EEFSEC: variants seen among roughly 807,000 people sequenced by gnomAD.
The protein encoded by EEFSEC is eukaryotic elongation factor, selenocysteine-tRNA specific, also known as selenocysteine-specific elongation factor.
EEFSEC carries 43 observed loss-of-function variants against 42.1 expected under a neutral mutation model. The ratio of observed to expected loss-of-function variants is 1.02; its 90% CI spans 0.80 to 1.32. The LOEUF is 1.32. Among genes scored for constraint, EEFSEC ranks in the 40% most tolerant of loss-of-function variants. EEFSEC has a pLI of 0.00. For synonymous variants in EEFSEC, 354 were observed against 339.1 expected (o/e 1.04, Z -0.48); for missense variants, 745 against 803.6 (o/e 0.93, Z 0.88).
At chr3:128,270,886 T>C (rs1194935850) in intron 4 of EEFSEC, among the ~76,000 whole-genome samples, 1 of 152,130 alleles carries the variant, frequency 6.6e-6, no homozygotes, top group Non-Finnish European at 1.5e-5. Context: ...CTGCTGCTTG[T>C]ATTTGTCTTT....
chr3:128,352,169 C>T (rs1379455302), intron 5 of EEFSEC, among the ~76,000 whole-genome samples: 3 of 152,182 alleles, frequency 2.0e-5, no homozygotes, highest in Non-Finnish European at 2.9e-5. Context: ...CATGTTCCCC[C>T]ATCCTCACCT....
intron 6 of EEFSEC, among the ~76,000 whole-genome samples, chr3:128,377,899 C>T (rs2067728111): frequency 1.3e-5 from 2 of 152,214 alleles, no homozygotes; most frequent in African/African-American, 2.4e-5. Flanking sequence ...TTTATCTTTG[C>T]TATTTTCCTA....
rs577265764 is a variant in EEFSEC at position 128,274,062 on chromosome 3, G to A, written c.786+9281G>A. On this transcript the variant is annotated intron_variant, in intron 4 of 6. Transcript: ENST00000254730. ...ACTGCAGCTTCCTGCTCTTAGGCCA[G>A]GTGGATGTCTTAGGATTCAGCCTCT... Among the ~76,000 whole-genome samples, 46 of 152,280 alleles carry A rather than the reference G, an allele frequency of 3.0e-4. 1 individual carries two copies. Among genetic ancestry groups the A allele is most frequent in the South Asian group, 2.5e-3 (12 of 4,824 alleles).
At chr3:128,257,429 A>G (rs1161216588) in intron 2 of EEFSEC, among the ~76,000 whole-genome samples, 1 of 152,176 alleles carries the variant, frequency 6.6e-6, no homozygotes, top group East Asian at 1.9e-4. Flanking sequence ...TTCTTCCAGG[A>G]TGAGCCCACT....
intron 1 of EEFSEC, among the ~76,000 whole-genome samples, chr3:128,201,312 A>G (rs1252377467): frequency 6.6e-6 from 1 of 152,046 alleles, no homozygotes; most frequent in Non-Finnish European, 1.5e-5. Context: ...TAATGAGTAC[A>G]CATACAGGAT....
chr3:128,346,079 G>A (rs756882810), intron 5 of EEFSEC, among the ~76,000 whole-genome samples: 5 of 152,210 alleles, frequency 3.3e-5, no homozygotes, highest in Admixed American at 6.5e-5. Flanking sequence ...TCTGCAGACT[G>A]TGTTTTTATT....
chr3:128,337,573 T>C (rs998605338), intron 4 of EEFSEC, among the ~76,000 whole-genome samples: 7 of 152,320 alleles, frequency 4.6e-5, no homozygotes, highest in African/African-American at 1.7e-4. Context: ...TTGCCAGGTA[T>C]GATTTTGCCA....
At chr3:128,418,082 C>T in the EEFSEC span, among the ~76,000 whole-genome samples, 12 of 152,140 alleles carry the variant, frequency 7.9e-5, no homozygotes, top group South Asian at 8.3e-4. Context: ...AGGATGTGGC[C>T]GGCACCTCCC....
At chr3:128,281,764 A>G (rs2066528300) in intron 4 of EEFSEC, among the ~76,000 whole-genome samples, 1 of 152,182 alleles carries the variant, frequency 6.6e-6, no homozygotes, top group African/African-American at 2.4e-5. Context: ...GCAGGCACTC[A>G]GGGGTCCTCC....
chr3:128,212,537 A>G (rs572719942), intron 1 of EEFSEC, among the ~76,000 whole-genome samples: 1 of 152,184 alleles, frequency 6.6e-6, no homozygotes, highest in Non-Finnish European at 1.5e-5. Context: ...GCATAAAGTA[A>G]TGGAGTGAGG....
intron 4 of EEFSEC, among the ~76,000 whole-genome samples, chr3:128,271,848 G>A (rs566438683): frequency 2.0e-5 from 3 of 152,270 alleles, no homozygotes; most frequent in Admixed American, 6.5e-5. Context: ...TCATCTGTCT[G>A]TGGGTCCTCA....
intron 4 of EEFSEC, among the ~76,000 whole-genome samples, chr3:128,293,660 C>CAAAAAAAA (rs759485696): frequency 1.8e-3 from 26 of 14,104 alleles, no homozygotes; most frequent in South Asian, 3.6e-3. Context: ...GACTCTATCT[C>CAAAAAAAA]AAAAAAAAAA....
At chr3:128,235,280 G>C (rs1197647505) in intron 1 of EEFSEC, among the ~76,000 whole-genome samples, 2 of 151,738 alleles carry the variant, frequency 1.3e-5, no homozygotes, top group Non-Finnish European at 2.9e-5. Context: ...TGTTGCCCAG[G>C]CTGGTCTTGA....
In EEFSEC at chr3:128,341,769, G is replaced by T. The variant is rs143447496; in HGVS notation, c.1323G>T (p.Thr441=). The change falls in exon 5 of 7, where the codon ACG becomes ACT. Residue 441 remains threonine (T), a synonymous_variant. Coordinates refer to ENST00000254730, the MANE Select transcript of EEFSEC (RefSeq NM_021937.5). ...TAGATGCGGACATTCACACCAACACGTGCCGGCTAGCCTTCCATGGCATCC... is the reference window on the plus strand; with the variant it reads ...TAGATGCGGACATTCACACCAACACTTGCCGGCTAGCCTTCCATGGCATCC... ...SRLDADIHTN[T]CRLAFHGILL... The T allele has an allele frequency of 6.2e-7, 1 of 1,614,134 alleles. No homozygotes were observed. Among genetic ancestry groups the T allele is most frequent in the Non-Finnish European group, 8.5e-7 (1 of 1,180,048 alleles).
At chr3:128,338,109 C>T (rs1015827315) in intron 4 of EEFSEC, among the ~76,000 whole-genome samples, 5 of 152,212 alleles carry the variant, frequency 3.3e-5, no homozygotes, top group Admixed American at 6.5e-5. Flanking sequence ...ACTATGTGCA[C>T]AGGTTTTTAG....
At chr3:128,405,344 A>G (rs2068096779) in intron 6 of EEFSEC, among the ~76,000 whole-genome samples, 2 of 152,152 alleles carry the variant, frequency 1.3e-5, no homozygotes, top group African/African-American at 2.4e-5. Flanking sequence ...GGGCCAGTGC[A>G]CGATGCTCTC....
At chr3:128,331,559 T>C (rs959592889) in intron 4 of EEFSEC, among the ~76,000 whole-genome samples, 1 of 151,374 alleles carries the variant, frequency 6.6e-6, no homozygotes, top group Non-Finnish European at 1.5e-5. Context: ...CCCCTTCTCC[T>C]CCATGCATCT....
the EEFSEC span, among the ~76,000 whole-genome samples, chr3:128,424,728 T>G: frequency 3.9e-5 from 6 of 152,030 alleles, no homozygotes; most frequent in Non-Finnish European, 7.4e-5. Context: ...ATACGAAAAG[T>G]GCGCGGAGTA....
intron 6 of EEFSEC, among the ~76,000 whole-genome samples, chr3:128,396,723 G>T (rs547768725): frequency 6.6e-6 from 1 of 152,228 alleles, no homozygotes; most frequent in African/African-American, 2.4e-5. Flanking sequence ...TTCCTGGTGT[G>T]TGTGAATAGC....
Sources: gnomAD v4.1 joint callset for allele counts (sites outside exome capture counted in the v4.1 genomes callset) on GRCh38, gnomAD v4.1.1 for gene constraint, MANE v1.5 for transcripts, NCBI Gene and HGNC (gene_info 2026-07-23, HGNC 2026-07-21) for gene names.